The following ADAMTS17 variants were observed in gnomAD, a reference collection of about 807,000 sequenced individuals.
ADAMTS17 encodes the protein A disintegrin and metalloproteinase with thrombospondin motifs 17.
Under a neutral mutation model 141.5 loss-of-function variants are expected in ADAMTS17, and 113 were observed. The observed-to-expected ratio is 0.80, with a 90% confidence interval of 0.69 to 0.93. The LOEUF is 0.93. ADAMTS17 is among the 40% of genes least tolerant of loss of function. The pLI is 0.00. For missense variants in ADAMTS17, 1,659 were observed against 1,517.9 expected (o/e 1.09, Z -1.54); for synonymous variants, 768 against 630.6 (o/e 1.22, Z -3.27).
At chr15:100,174,295 C>T (rs1255208492) in intron 8 of ADAMTS17, among the ~76,000 whole-genome samples, 2 of 150,340 alleles carry the variant, frequency 1.3e-5, no homozygotes, top group East Asian at 3.9e-4. Context: ...ATTCTGGACA[C>T]AACTAAAATA....
At chr15:100,084,046 T>A (rs1345406074) in intron 15 of ADAMTS17, among the ~76,000 whole-genome samples, 2 of 151,950 alleles carry the variant, frequency 1.3e-5, no homozygotes, top group African/African-American at 4.8e-5. Flanking sequence ...GGGTGAGGCA[T>A]CACCTCACCC....
chr15:100,059,076 T>C (rs558259372), intron 15 of ADAMTS17, among the ~76,000 whole-genome samples: 1 of 152,322 alleles, frequency 6.6e-6, no homozygotes, highest in South Asian at 2.1e-4. Flanking sequence ...ATGCCTCTAA[T>C]TGGCTCTCAC....
chr15:100,238,324 T>C (rs1241369740), intron 7 of ADAMTS17, among the ~76,000 whole-genome samples: 2 of 152,190 alleles, frequency 1.3e-5, no homozygotes, highest in Admixed American at 1.3e-4. Flanking sequence ...ATCCACACTC[T>C]AGAGTGTACT....
intron 13 of ADAMTS17, 143 bp from the exon 14 acceptor site, chr15:100,109,259 T>TG: frequency 2.2e-6 from 1 of 457,224 alleles, no homozygotes; most frequent in Non-Finnish European, 3.2e-6. Flanking sequence ...AGGTACGCGC[T>TG]CCAGGAAGCG....
intron 4 of ADAMTS17, among the ~76,000 whole-genome samples, chr15:100,263,160 G>A (rs969993089): frequency 7.2e-5 from 11 of 152,052 alleles, no homozygotes; most frequent in African/African-American, 2.7e-4. Flanking sequence ...GGTTTAAGGC[G>A]ACCTTCATGA....
At position 100,239,833 on chromosome 15, in the gene ADAMTS17, AC is replaced by A. The variant is rs554056901; in HGVS notation, c.1075+14302del. Among the ~76,000 whole-genome samples the A allele has an allele frequency of 4.0e-4, 61 of 152,104 alleles. 1 individual carries two copies. Among genetic ancestry groups the A allele is most frequent in the African/African-American group, 1.5e-3 (61 of 41,482 alleles). On this transcript the variant is annotated intron_variant, in intron 7 of 21. Transcript: ENST00000268070. ...GTGGGAATTCCATCAGGGCCTTACA[AC>A]CCCTGGAGTGGAGGGATGGTGAGCC...
chr15:100,002,617 TG>T (rs1423322335), intron 18 of ADAMTS17, among the ~76,000 whole-genome samples: 3 of 151,994 alleles, frequency 2.0e-5, no homozygotes, highest in African/African-American at 7.3e-5. Context: ...AAGAGGAACG[TG>T]GAAAAAGCAA....
intron 15 of ADAMTS17, among the ~76,000 whole-genome samples, chr15:100,068,507 G>T (rs1162693232): frequency 6.6e-6 from 1 of 152,208 alleles, no homozygotes; most frequent in Non-Finnish European, 1.5e-5. Context: ...CCCCCCAGTA[G>T]GGGCAGACTG....
intron 14 of ADAMTS17, 102 bp from the exon 15 acceptor site, chr15:100,096,578 G>T (rs1346556214): frequency 1.3e-6 from 2 of 1,498,182 alleles, no homozygotes; most frequent in Non-Finnish European, 1.8e-6. Context: ...CAGCATACAT[G>T]GGGCCTGGGG....
At chr15:100,063,675 T>G (rs1255218723) in intron 15 of ADAMTS17, 1 of 1,289,832 alleles carries the variant, frequency 7.8e-7, no homozygotes, top group East Asian at 5.5e-5. Context: ...CATTTGTGTT[T>G]TACCCAGAAA....
intron 8 of ADAMTS17, among the ~76,000 whole-genome samples, chr15:100,170,775 C>G (rs12441223): frequency 0.042 from 6,416 of 152,292 alleles, 206 homozygotes; most frequent in East Asian, 0.17. Flanking sequence ...ATTCCACCTA[C>G]ACTTAGCAAC....
At chr15:100,169,111 A>G (rs2040063130) in intron 8 of ADAMTS17, among the ~76,000 whole-genome samples, 1 of 152,182 alleles carries the variant, frequency 6.6e-6, no homozygotes, top group South Asian at 2.1e-4. Context: ...TGGTCTGTGA[A>G]GGTTGCTACT....
intron 7 of ADAMTS17, among the ~76,000 whole-genome samples, chr15:100,248,910 T>A (rs117575817): frequency 0.015 from 2,259 of 152,146 alleles, 23 homozygotes; most frequent in Middle Eastern, 0.051. Context: ...ATGATTGTCC[T>A]GTCGCAGCCT....
intron 7 of ADAMTS17, among the ~76,000 whole-genome samples, chr15:100,210,330 CACTT>C (rs1282011023): frequency 2.7e-5 from 4 of 149,736 alleles, no homozygotes; most frequent in African/African-American, 9.8e-5. Flanking sequence ...ATTTGTCAGA[CACTT>C]ACTATGTGTG....
chr15:100,281,122 C>A, intron 4 of ADAMTS17, 107 bp downstream of exon 4: 1 of 1,485,730 alleles, frequency 6.7e-7, no homozygotes, highest in Non-Finnish European at 9.1e-7. Context: ...TATCCCCAAC[C>A]CAGCGTCTTC....
At chr15:99,974,666 C>T in intron 21 of ADAMTS17, 104 bp from the exon 22 acceptor site, 1 of 1,445,676 alleles carries the variant, frequency 6.9e-7, no homozygotes, top group Non-Finnish European at 9.7e-7. Flanking sequence ...GCTCCCTCAC[C>T]CTCGTGCACA....
Position 100,341,300 on chromosome 15 carries a change from TCGC to T in ADAMTS17, c.186_188del (p.Arg64del). 9.2e-7 allele frequency: 1 copy of T among 1,084,392 alleles called. No individual in the cohort carries two copies. The highest frequency in any genetic ancestry group is 1.1e-6 in the Non-Finnish European group (1 of 897,248). The allele number at this position is 1,084,392 out of a possible 1,614,324, so 67.2% of individuals were successfully genotyped here. Reference sequence around the variant, plus strand: ...GGGCGGCTGGGGGCGTGCGGGGGCGTCGCCGCCGTCGGGGCCCGGGGGCTGCGG... The same window carrying T: ...GGGCGGCTGGGGGCGTGCGGGGGCGTCGCCGTCGGGGCCCGGGGGCTGCGG... On this transcript the variant is annotated inframe_deletion, in exon 2 of 22. Coordinates refer to ENST00000268070, the MANE Select transcript of ADAMTS17 (RefSeq NM_139057.4).
chr15:100,147,577 A>G (rs1477150820), intron 10 of ADAMTS17, among the ~76,000 whole-genome samples: 1 of 152,154 alleles, frequency 6.6e-6, no homozygotes, highest in Non-Finnish European at 1.5e-5. Context: ...ATACGGTATA[A>G]AAGGTTAAAA....
At chr15:100,246,860 C>CT in intron 7 of ADAMTS17, among the ~76,000 whole-genome samples, 1 of 123,356 alleles carries the variant, frequency 8.1e-6, no homozygotes, top group Non-Finnish European at 1.7e-5. Context: ...GTGGTTTGCC[C>CT]TTTTATTTTT....
Sources: gnomAD v4.1 joint callset for allele counts (sites outside exome capture counted in the v4.1 genomes callset) on GRCh38, gnomAD v4.1.1 for gene constraint, MANE v1.5 for transcripts, NCBI Gene and HGNC (gene_info 2026-07-23, HGNC 2026-07-21) for gene names.